ARSG: variants seen among roughly 807,000 people sequenced by gnomAD.
ARSG encodes the protein ASG.
Under a neutral mutation model 50.5 loss-of-function variants are expected in ARSG, and 37 were observed. That is an observed-to-expected ratio of 0.73 (90% CI 0.56 to 0.96). ARSG has a LOEUF of 0.96. Among genes scored for constraint, ARSG ranks in the 50% least tolerant of loss-of-function variants. The pLI, the probability that ARSG is intolerant of heterozygous loss-of-function variation, is 0.00. For synonymous variants in ARSG, 225 were observed against 254.6 expected (o/e 0.88, Z 1.11); for missense variants, 629 against 675.3 (o/e 0.93, Z 0.76).
intron 2 of ARSG, among the ~76,000 whole-genome samples, chr17:68,317,189 C>T (rs180677298): frequency 9.2e-5 from 14 of 152,208 alleles, no homozygotes; most frequent in African/African-American, 3.4e-4. Context: ...TCGGTGACTT[C>T]ATATTTTGGT....
At chr17:68,369,294 C>G (rs774988167) in intron 7 of ARSG, among the ~76,000 whole-genome samples, 16 of 152,170 alleles carry the variant, frequency 1.1e-4, no homozygotes, top group Admixed American at 2.0e-4. Context: ...AATAACAGCA[C>G]TTTGGGAGGC....
rs1164837994 is a variant in ARSG at position 68,354,036 on chromosome 17, T to A, written c.566+2350T>A. On this transcript the variant is annotated intron_variant, in intron 5 of 11. Coordinates refer to ENST00000621439, the MANE Select transcript of ARSG (RefSeq NM_001267727.2). ...TTCTTCTTGTTCTTTTTTTTTTTTT[T>A]TTTATTTCAATCCTGTTCCTTCTGT... is the stretch of plus-strand genomic sequence containing the variant. Among the ~76,000 whole-genome samples the A allele has an allele frequency of 5.7e-5, 7 of 121,920 alleles. No homozygotes were observed. The East Asian group carries it at 1.4e-3, about 24-fold the overall frequency. The allele number at this position is 121,920 out of a possible 152,430, so 80.0% of individuals were successfully genotyped here.
rs144122932 is a variant in ARSG, at chr17:68,401,848, G to A, written c.1303+398G>A. 3.5e-3 allele frequency among the ~76,000 whole-genome samples: 528 copies of A among 152,296 alleles called. 3 individuals are homozygous for A. Among genetic ancestry groups the A allele is most frequent in the African/African-American group, 0.012 (507 of 41,548 alleles). ...AAAATAGATTTTAGAGGACTAGTTA[G>A]CAAACCGACAGAAGTCTCTCTGCTT... On this transcript the variant is annotated intron_variant, in intron 11 of 11. Coordinates refer to ENST00000621439, the MANE Select transcript of ARSG (RefSeq NM_001267727.2).
downstream of ARSG, chr17:68,426,184 CAAGA>C: frequency 6.3e-7 from 1 of 1,576,752 alleles, no homozygotes; most frequent in Non-Finnish European, 8.6e-7. Context: ...ACCTGGAAAC[CAAGA>C]AAGAGACATG....
chr17:68,447,818 C>T, the ARSG span, among the ~76,000 whole-genome samples: 1 of 151,754 alleles, frequency 6.6e-6, no homozygotes, highest in African/African-American at 2.4e-5. Flanking sequence ...TGGTGAAACC[C>T]CATCTCTACT....
At chr17:68,384,961 A>G in intron 8 of ARSG, 103 bp from the exon 9 acceptor site, 1 of 857,252 alleles carries the variant, frequency 1.2e-6, no homozygotes. Context: ...TGTTGGGGTT[A>G]TTGGAAACTC....
intron 2 of ARSG, among the ~76,000 whole-genome samples, chr17:68,309,123 C>G (rs1555765672): frequency 6.6e-6 from 1 of 152,218 alleles, no homozygotes; most frequent in Non-Finnish European, 1.5e-5. Context: ...GCTGAGGGAC[C>G]TAGTACACCC....
intron 4 of ARSG, among the ~76,000 whole-genome samples, chr17:68,347,961 T>G (rs2078588298): frequency 6.6e-6 from 1 of 152,226 alleles, no homozygotes; most frequent in Admixed American, 6.5e-5. Context: ...TGTTCTGTCC[T>G]AGACCTGGCG....
chr17:68,343,563 C>T, intron 2 of ARSG, 41 bp from the exon 3 acceptor site: 2 of 1,522,510 alleles, frequency 1.3e-6, no homozygotes, highest in Non-Finnish European at 1.8e-6. Flanking sequence ...CTCTGGCTTC[C>T]TGTGGTTGGT....
rs573178883 is a variant in ARSG, at chr17:68,420,635, G to A, written c.*172G>A. The A allele has an allele frequency of 4.1e-5, 31 of 753,654 alleles. No homozygotes were observed. Among genetic ancestry groups the A allele is most frequent in the South Asian group, 9.1e-5 (5 of 54,864 alleles). 46.7% of individuals were successfully genotyped at this position (753,654 alleles called of 1,614,324 possible). A position where few individuals can be genotyped will look rare whatever the true frequency, so the allele number is the denominator to read the frequency against. ...TCCTGTCCCTCCTCCACGCCGACCCGAGAGCAGCTGAGCTGCGCTGGCTCT... is the reference window on the plus strand; with the variant it reads ...TCCTGTCCCTCCTCCACGCCGACCCAAGAGCAGCTGAGCTGCGCTGGCTCT... On this transcript the variant is annotated 3_prime_UTR_variant, in exon 12 of 12. Transcript: ENST00000621439.
chr17:68,368,671 G>A lies in ARSG; in HGVS notation c.828G>A (p.Met276Ile), dbSNP rs1341051517. Reference sequence around the variant, plus strand: ...TGTATGGTGCAGGGCTCTGGGAGATGGACAGTCTGGTGGGCCAGATCAAGG... The same window carrying A: ...TGTATGGTGCAGGGCTCTGGGAGATAGACAGTCTGGTGGGCCAGATCAAGG... ...RSLYGAGLWE[M>I]DSLVGQIKDK... is the part of the protein sequence containing the mutation. The change falls in exon 7 of 12, where the codon ATG becomes ATA. Residue 276 changes from methionine (M) to isoleucine (I), a missense_variant. Coordinates refer to ENST00000621439, the MANE Select transcript of ARSG (RefSeq NM_001267727.2). The A allele has an allele frequency of 1.9e-6, 3 of 1,614,144 alleles. No homozygotes were observed. Among genetic ancestry groups the A allele is most frequent in the Middle Eastern group, 1.7e-4 (1 of 6,060 alleles).
At chr17:68,438,497 A>T in the ARSG span, among the ~76,000 whole-genome samples, 8 of 152,240 alleles carry the variant, frequency 5.3e-5, no homozygotes, top group Non-Finnish European at 1.2e-4. Context: ...GCTGGCAGAA[A>T]AGATGTGAAG....
intron 3 of ARSG, 103 bp downstream of exon 3, chr17:68,343,894 T>C (rs2078387663): frequency 1.6e-6 from 2 of 1,235,198 alleles, no homozygotes; most frequent in Non-Finnish European, 2.2e-6. Context: ...GTTCATGTCT[T>C]GCTGTGTGAG....
the ARSG span, chr17:68,428,774 C>T: frequency 1.4e-6 from 2 of 1,394,608 alleles, no homozygotes; most frequent in Non-Finnish European, 2.0e-6. Flanking sequence ...GGCGAAGGGA[C>T]AACTCTACAC....
chr17:68,422,883 C>T (rs538772803), downstream of ARSG, among the ~76,000 whole-genome samples: 6 of 152,178 alleles, frequency 3.9e-5, no homozygotes, highest in East Asian at 5.8e-4. Context: ...CTCATCCTCC[C>T]GAATGTAGCA....
intron 4 of ARSG, among the ~76,000 whole-genome samples, chr17:68,350,454 G>A (rs2078703974): frequency 6.6e-6 from 1 of 152,166 alleles, no homozygotes; most frequent in African/African-American, 2.4e-5. Flanking sequence ...GAGAATTTTT[G>A]CATTCTAGCT....
intron 1 of ARSG, among the ~76,000 whole-genome samples, chr17:68,262,193 C>T (rs1469714858): frequency 4.7e-5 from 7 of 148,288 alleles, no homozygotes; most frequent in Non-Finnish European, 8.9e-5. Flanking sequence ...AAGAAAGGGC[C>T]GGGCGTAGTG....
chr17:68,385,738 C>T (rs1225990845), intron 9 of ARSG, among the ~76,000 whole-genome samples: 1 of 152,090 alleles, frequency 6.6e-6, no homozygotes, highest in Non-Finnish European at 1.5e-5. Flanking sequence ...CAGCATCTCC[C>T]TCTCAGCCTG....
chr17:68,288,095 C>T (rs545695155), upstream of ARSG, among the ~76,000 whole-genome samples: 17 of 151,278 alleles, frequency 1.1e-4, no homozygotes, highest in African/African-American at 3.6e-4. Context: ...CTCCCGGGTT[C>T]AAGCGACTCT....
Sources: gnomAD v4.1 joint callset for allele counts (sites outside exome capture counted in the v4.1 genomes callset) on GRCh38, gnomAD v4.1.1 for gene constraint, MANE v1.5 for transcripts, NCBI Gene and HGNC (gene_info 2026-07-23, HGNC 2026-07-21) for gene names.